The following USP48 variants were observed in gnomAD, a reference collection of about 807,000 sequenced individuals.
The protein encoded by USP48 is ubiquitin specific peptidase 48.
In USP48, 43 loss-of-function variants were observed where a neutral mutation model predicts 150.7. The ratio of observed to expected loss-of-function variants is 0.29; its 90% confidence interval spans 0.22 to 0.37. The LOEUF is 0.37. Among genes scored for constraint, USP48 ranks in the 10% least tolerant of loss-of-function variants. The pLI is 1.00. For missense variants in USP48, 813 were observed against 1,249.6 expected, an observed-to-expected ratio of 0.65 and a Z score of 5.27; for synonymous variants, 396 against 425.9, an observed-to-expected ratio of 0.93 and a Z score of 0.86.
chr1:21,748,286 G>T lies in USP48; in HGVS notation c.775-15C>A. The T allele has an allele frequency of 6.3e-7, 1 of 1,595,784 alleles. No homozygotes were observed. The highest frequency in any genetic ancestry group is 1.3e-5 in the African/African-American group (1 of 74,118). The stretch of plus-strand genomic sequence containing the variant: ...AATTTTTCTTCCTGATCAAGAATAA[G>T]ACATATTAATTTTAAAAAGAAGATG... On this transcript the variant is annotated splice_polypyrimidine_tract_variant and intron_variant, in intron 6 of 26. Coordinates refer to ENST00000308271, the MANE Select transcript of USP48 (RefSeq NM_032236.8).
At chr1:21,767,791 G>A (rs764541988) in intron 1 of USP48, among the ~76,000 whole-genome samples, 4 of 152,156 alleles carry the variant, frequency 2.6e-5, no homozygotes, top group Non-Finnish European at 5.9e-5. Context: ...TGAAAATAAA[G>A]GAGAACCATG....
intron 1 of USP48, among the ~76,000 whole-genome samples, chr1:21,771,915 T>A (rs1461320671): frequency 1.4e-5 from 2 of 147,668 alleles, no homozygotes; most frequent in African/African-American, 5.0e-5. Flanking sequence ...CGAAACTCCA[T>A]CTCAAAAAAA....
At chr1:21,717,031 A>G (rs2097706454) in intron 14 of USP48, among the ~76,000 whole-genome samples, 1 of 151,890 alleles carries the variant, frequency 6.6e-6, no homozygotes, top group South Asian at 2.1e-4. Flanking sequence ...AAAAATAATT[A>G]TCCATGGGTT....
At chr1:21,720,342 G>C (rs907208643) in intron 14 of USP48, among the ~76,000 whole-genome samples, 1 of 152,150 alleles carries the variant, frequency 6.6e-6, no homozygotes, top group African/African-American at 2.4e-5. Flanking sequence ...GCTTGAGCCC[G>C]AAGCATGATA....
At chr1:21,747,492 T>C (rs559991024) in intron 7 of USP48, among the ~76,000 whole-genome samples, 149 of 152,056 alleles carry the variant, frequency 9.8e-4, no homozygotes, top group Non-Finnish European at 1.8e-3. Flanking sequence ...ATGGCGGGGG[T>C]GTAATGAGTA....
rs182547479 is a variant in USP48, at chr1:21,761,859, G to A, written c.135-4076C>T. 1.6e-3 allele frequency among the ~76,000 whole-genome samples: 250 copies of A among 152,340 alleles called. 2 individuals carry two copies. In the Middle Eastern group the frequency reaches 0.031, roughly 19 times the overall value. On this transcript the variant is annotated intron_variant, in intron 1 of 26. Transcript: ENST00000308271. ...TATATCAAAGCTAGGAGGGAAAAAA[G>A]CTTATTAATGAAATAAAGTAGAACC...
At chr1:21,743,786 G>A (rs1270140840) in intron 8 of USP48, among the ~76,000 whole-genome samples, 2 of 152,108 alleles carry the variant, frequency 1.3e-5, no homozygotes, top group Non-Finnish European at 2.9e-5. Context: ...ACTAAGCCAT[G>A]CATTTTTGTG....
Position 21,721,698 on chromosome 1 carries a change from T to C in USP48, c.1715A>G (p.Asn572Ser). Residue 572 changes from asparagine to serine, a missense_variant, in exon 13 of 27, where the codon AAT (asparagine) becomes AGT (serine). Asn to Ser is a conservative substitution (Grantham distance 46). Transcript: ENST00000308271. ...ATTATTAACAGTTTTATAATCTTCATTTAGTTGGTTCTTCAGACGCAATAT... is the reference window on the plus strand; with the variant it reads ...ATTATTAACAGTTTTATAATCTTCACTTAGTTGGTTCTTCAGACGCAATAT... ...CRILRLKNQLNEDYKTVNNLL... is the reference protein window; with the variant it reads ...CRILRLKNQLSEDYKTVNNLL... The C allele has an allele frequency of 6.2e-7, 1 of 1,608,558 alleles. No individual in the cohort carries two copies. The highest frequency in any genetic ancestry group is 8.5e-7 in the Non-Finnish European group (1 of 1,176,710).
intron 9 of USP48, among the ~76,000 whole-genome samples, chr1:21,736,094 A>G (rs1490899885): frequency 6.6e-6 from 1 of 151,754 alleles, no homozygotes; most frequent in Non-Finnish European, 1.5e-5. Context: ...AATTTTGACA[A>G]AATTTTTACC....
chr1:21,752,377 T>C (rs2097818592), intron 5 of USP48, 150 bp downstream of exon 5: 4 of 964,506 alleles, frequency 4.1e-6, no homozygotes, highest in Non-Finnish European at 6.0e-6. Context: ...CACTTGTTTA[T>C]ATGTTCCCAT....
At chr1:21,713,165 C>A (rs1029327479) in intron 15 of USP48, among the ~76,000 whole-genome samples, 1 of 151,558 alleles carries the variant, frequency 6.6e-6, no homozygotes, top group Non-Finnish European at 1.5e-5. Context: ...TACAGTGGCA[C>A]GTGAATATGG....
chr1:21,724,788 GA>G (rs1281165638), intron 11 of USP48: 1 of 152,146 alleles, frequency 6.6e-6, no homozygotes, highest in Non-Finnish European at 1.5e-5. Flanking sequence ...CATCAATTTT[GA>G]AGTTGCAAAA....
chr1:21,729,649 T>C, intron 10 of USP48, 55 bp downstream of exon 10: 1 of 1,580,718 alleles, frequency 6.3e-7, no homozygotes, highest in East Asian at 2.2e-5. Flanking sequence ...TCATTAATCT[T>C]TGAGTATGGC....
At chr1:21,711,553 T>C (rs1333074605) in intron 15 of USP48, among the ~76,000 whole-genome samples, 1 of 152,210 alleles carries the variant, frequency 6.6e-6, no homozygotes, top group African/African-American at 2.4e-5. Flanking sequence ...AGTCCTCTTC[T>C]TTCTACAGCT....
chr1:21,752,602 A>G lies in USP48; in HGVS notation c.590T>C (p.Leu197Ser). The G allele has an allele frequency of 6.2e-7, 1 of 1,613,470 alleles. No individual in the cohort carries two copies. The highest frequency in any genetic ancestry group is 8.5e-7 in the Non-Finnish European group (1 of 1,179,856). ...KLFMSLLEDT[L>S]SKQKNPDVRN... ...CACATCTGGATTCTTTTGTTTAGAC[A>G]AAGTATCTTCCAATAGAGACATAAA... The change falls in exon 5 of 27, where the codon TTG becomes TCG. Residue 197 changes from leucine to serine, a missense_variant. By Grantham distance (145) the Leu-to-Ser change is moderately radical. Transcript: ENST00000308271.
chr1:21,728,459 A>C (rs920028481), intron 11 of USP48, 111 bp downstream of exon 11: 3 of 1,503,312 alleles, frequency 2.0e-6, no homozygotes, highest in Admixed American at 4.7e-5. Flanking sequence ...AGCTGGCTTT[A>C]GTGGGTTATT....
chr1:21,705,608 A>G, intron 19 of USP48, 119 bp downstream of exon 19: 1 of 701,062 alleles, frequency 1.4e-6, no homozygotes, highest in Middle Eastern at 3.7e-4. Context: ...CCCACAATTC[A>G]GCAAAGGACT....
intron 14 of USP48, among the ~76,000 whole-genome samples, chr1:21,716,995 G>A (rs1233538411): frequency 6.6e-6 from 1 of 151,930 alleles, no homozygotes; most frequent in African/African-American, 2.4e-5. Context: ...GCCACTGCAC[G>A]ACAGAGCGAG....
At chr1:21,756,739 T>A in intron 2 of USP48, 37 bp from the exon 3 acceptor site, 1 of 1,605,322 alleles carries the variant, frequency 6.2e-7, no homozygotes, top group Admixed American at 1.7e-5. Flanking sequence ...TAAAACCCAT[T>A]TTCCTTTAAA....
Sources: allele counts gnomAD v4.1 joint callset (sites outside exome capture counted in the v4.1 genomes callset), GRCh38; gene constraint gnomAD v4.1.1; transcripts MANE v1.5; gene names NCBI Gene and HGNC (gene_info 2026-07-23, HGNC 2026-07-21).